The following MVB12B variants were observed in gnomAD, a reference collection of about 807,000 sequenced individuals.
MVB12B encodes the protein ESCRT-I complex subunit MVB12B.
Under a neutral mutation model 41.6 loss-of-function variants are expected in MVB12B, and 16 were observed. That is an observed-to-expected ratio of 0.38 (90% confidence interval 0.26 to 0.58). The LOEUF (loss-of-function observed/expected upper bound fraction) is 0.58. Among genes scored for constraint, MVB12B ranks in the 20% least tolerant of loss-of-function variants. The pLI is 0.62. For missense variants in MVB12B, 274 were observed against 380.2 expected, an observed-to-expected ratio of 0.72 and a Z score of 2.32; for synonymous variants, 133 against 139.7, an observed-to-expected ratio of 0.95 and a Z score of 0.34.
chr9:126,424,470 C>T, intron 7 of MVB12B, among the ~76,000 whole-genome samples: 1 of 152,110 alleles, frequency 6.6e-6, no homozygotes, highest in Admixed American at 6.5e-5. Context: ...ACAGGAGTAC[C>T]CTCCCAAAAC....
chr9:126,379,674 A>C (rs923651289), intron 2 of MVB12B, among the ~76,000 whole-genome samples: 2 of 152,210 alleles, frequency 1.3e-5, no homozygotes, highest in African/African-American at 4.8e-5. Context: ...TTTGGTTTGA[A>C]AAACAAGGAT....
rs1833617237 is a variant in MVB12B, at chr9:126,486,259, C to T, written c.873+2227C>T. ...ACATAGGTGTGCATAAAATTTCACA[C>T]CTGCCCTTCTCAAAGCAGGGGAGCT... On this transcript the variant is annotated intron_variant, in intron 9 of 9. Coordinates refer to ENST00000361171, the MANE Select transcript of MVB12B (RefSeq NM_033446.3). The surrounding 1 kb of genome is among the most constrained non-coding windows in gnomAD (Gnocchi z 4.7). 1.3e-5 allele frequency among the ~76,000 whole-genome samples: 2 copies of T among 152,070 alleles called. No homozygotes were observed. Among genetic ancestry groups the T allele is most frequent in the African/African-American group, 4.8e-5 (2 of 41,386 alleles).
At chr9:126,342,021 C>G (rs537404227) in intron 2 of MVB12B, among the ~76,000 whole-genome samples, 15 of 152,266 alleles carry the variant, frequency 9.9e-5, no homozygotes, top group Non-Finnish European at 1.8e-4. Context: ...TCAGTCTTAG[C>G]TGCTGCTTGA....
chr9:126,435,423 C>A (rs1033839701), intron 7 of MVB12B, among the ~76,000 whole-genome samples: 3 of 152,130 alleles, frequency 2.0e-5, no homozygotes, highest in African/African-American at 7.2e-5. Context: ...TGTGTAATTG[C>A]TGGAGATGTT....
At chr9:126,407,861 T>A (rs1378497165) in intron 6 of MVB12B, among the ~76,000 whole-genome samples, 1 of 152,234 alleles carries the variant, frequency 6.6e-6, no homozygotes, top group Non-Finnish European at 1.5e-5. Flanking sequence ...TGGAGCAGAA[T>A]GGTTCAGAAA....
At chr9:126,369,959 T>C (rs1298932478) in intron 2 of MVB12B, among the ~76,000 whole-genome samples, 1 of 151,476 alleles carries the variant, frequency 6.6e-6, no homozygotes, top group Non-Finnish European at 1.5e-5. Flanking sequence ...AGCCAGCATG[T>C]TTTTTTTTCT....
At chr9:126,419,816 G>T (rs1182059303) in intron 6 of MVB12B, among the ~76,000 whole-genome samples, 2 of 152,132 alleles carry the variant, frequency 1.3e-5, no homozygotes, top group African/African-American at 4.8e-5. Flanking sequence ...ACCCGGCCAG[G>T]CCCACTGAAT....
intron 7 of MVB12B, among the ~76,000 whole-genome samples, chr9:126,462,816 G>A (rs976097864): frequency 2.0e-5 from 3 of 152,178 alleles, no homozygotes; most frequent in Non-Finnish European, 4.4e-5. Flanking sequence ...GGCAGAGATG[G>A]GTGGCCGCCT....
At chr9:126,408,707 G>A (rs556984072) in intron 6 of MVB12B, among the ~76,000 whole-genome samples, 6 of 152,256 alleles carry the variant, frequency 3.9e-5, no homozygotes, top group East Asian at 1.9e-4. Context: ...GCCCTTGGCC[G>A]TGTCCTGAGT....
rs1390714924 is a variant in MVB12B, at chr9:126,333,203, C to T, written c.81+6193C>T. Among the ~76,000 whole-genome samples, 1 of 152,186 alleles carries T rather than the reference C, an allele frequency of 6.6e-6. No homozygotes were observed. Among genetic ancestry groups the T allele is most frequent in the Non-Finnish European group, 1.5e-5 (1 of 68,034 alleles). On this transcript the variant is annotated intron_variant, in intron 1 of 9. Coordinates refer to ENST00000361171, the MANE Select transcript of MVB12B (RefSeq NM_033446.3). The surrounding 1 kb of genome is among the most constrained non-coding windows in gnomAD (Gnocchi z 4.7). ...CCAGGTTCAAGTGATTCTTCTGCCTCAGCCTCCCGAGTAGGTGGGACTACA... is the reference window on the plus strand; with the variant it reads ...CCAGGTTCAAGTGATTCTTCTGCCTTAGCCTCCCGAGTAGGTGGGACTACA...
chr9:126,335,484 G>A (rs575234140), intron 1 of MVB12B: 1 of 1,075,688 alleles, frequency 9.3e-7, no homozygotes, highest in African/African-American at 1.6e-5. Context: ...CTGGCCACAG[G>A]TTCCCTCCTT....
In MVB12B at chr9:126,459,983, C is replaced by T. The variant is rs1833056494; in HGVS notation, c.758-21386C>T. 6.6e-6 allele frequency among the ~76,000 whole-genome samples: 1 copy of T among 152,208 alleles called. No individual in the cohort carries two copies. The highest frequency in any genetic ancestry group is 1.5e-5 in the Non-Finnish European group (1 of 68,044). ...TGCTTTGGACTTTGAATTTGAGGCT[C>T]CCATTTGAAACCACTTTTCCCCAGC... On this transcript the variant is annotated intron_variant, in intron 7 of 9. Transcript: ENST00000361171. This position sits in a 1 kb window ranked among gnomAD's most constrained non-coding sequence, Gnocchi z 4.3.
intron 9 of MVB12B, among the ~76,000 whole-genome samples, chr9:126,500,672 G>C (rs959186255): frequency 6.6e-6 from 1 of 152,232 alleles, no homozygotes; most frequent in African/African-American, 2.4e-5. Flanking sequence ...GTTCTCTCCT[G>C]AGCCGGGGCT....
At chr9:126,467,327 G>A (rs959801741) in intron 7 of MVB12B, among the ~76,000 whole-genome samples, 2 of 152,170 alleles carry the variant, frequency 1.3e-5, no homozygotes, top group South Asian at 2.1e-4. Flanking sequence ...TGAGGCCATC[G>A]ATAGAGTCTC....
chr9:126,475,400 C>A (rs968162009), intron 7 of MVB12B, among the ~76,000 whole-genome samples: 4 of 152,214 alleles, frequency 2.6e-5, no homozygotes, highest in African/African-American at 9.7e-5. Flanking sequence ...ATTCTGCTAA[C>A]CTCCACAGTA....
At chr9:126,453,258 C>A (rs1052827583) in intron 7 of MVB12B, among the ~76,000 whole-genome samples, 2 of 152,118 alleles carry the variant, frequency 1.3e-5, no homozygotes, top group East Asian at 3.9e-4. Flanking sequence ...AGCATCCCCA[C>A]CCACCCCAGT....
intron 1 of MVB12B, among the ~76,000 whole-genome samples, chr9:126,331,306 T>C (rs1475366173): frequency 1.3e-5 from 2 of 152,244 alleles, no homozygotes; most frequent in Non-Finnish European, 2.9e-5. Context: ...TTTTTGGTAG[T>C]AGCCATCGTA....
intron 5 of MVB12B, among the ~76,000 whole-genome samples, chr9:126,394,283 G>T (rs1831043546): frequency 6.6e-6 from 1 of 152,180 alleles, no homozygotes; most frequent in Non-Finnish European, 1.5e-5. Flanking sequence ...TCTAATTTCA[G>T]TTGCTATGTG....
At chr9:126,394,554 C>T (rs984458829) in intron 5 of MVB12B, among the ~76,000 whole-genome samples, 1 of 152,140 alleles carries the variant, frequency 6.6e-6, no homozygotes, top group Non-Finnish European at 1.5e-5. Context: ...TTCTTAAAAG[C>T]GGGCACAGTT....
Sources: gnomAD v4.1 joint callset for allele counts (sites outside exome capture counted in the v4.1 genomes callset) on GRCh38, gnomAD v4.1.1 for gene constraint, Gnocchi (gnomAD v3.1) non-coding constraint, MANE v1.5 for transcripts, NCBI Gene and HGNC (gene_info 2026-07-23, HGNC 2026-07-21) for gene names.